SYT9: variants seen among roughly 807,000 people sequenced by gnomAD.
SYT9 encodes the protein synaptotagmin-9.
SYT9 carries 22 observed loss-of-function variants against 48.4 expected under a neutral mutation model. That is an observed-to-expected ratio of 0.45 (90% CI 0.32 to 0.65). The LOEUF (loss-of-function observed/expected upper bound fraction) is 0.65, where lower values mean the gene tolerates loss of function less well. Among genes scored for constraint, SYT9 ranks in the 30% least tolerant of loss-of-function variants. The pLI, the probability that SYT9 is intolerant of heterozygous loss-of-function variation, is 0.03. For missense variants in SYT9, 577 were observed against 622.0 expected, an observed-to-expected ratio of 0.93 and a Z score of 0.77; for synonymous variants, 265 against 245.0, an observed-to-expected ratio of 1.08 and a Z score of -0.76.
At chr11:7,355,693 G>A (rs1850008438) in intron 3 of SYT9, among the ~76,000 whole-genome samples, 1 of 152,220 alleles carries the variant, frequency 6.6e-6, no homozygotes, top group Non-Finnish European at 1.5e-5. Context: ...TTGGCAGTGG[G>A]ATTGATGGAA....
chr11:7,440,487 A>T (rs1847810970), intron 6 of SYT9: 1 of 152,226 alleles, frequency 6.6e-6, no homozygotes, highest in Non-Finnish European at 1.5e-5. Flanking sequence ...GTCTGATGGC[A>T]AGATACCTTC....
intron 3 of SYT9, among the ~76,000 whole-genome samples, chr11:7,401,338 A>G (rs1846889668): frequency 6.6e-6 from 1 of 150,744 alleles, no homozygotes; most frequent in Non-Finnish European, 1.5e-5. Context: ...ATCATATATA[A>G]TGCAAATATA....
At chr11:7,283,684 TTAGAG>T (rs1366891776) in intron 1 of SYT9, among the ~76,000 whole-genome samples, 4 of 152,178 alleles carry the variant, frequency 2.6e-5, no homozygotes, top group African/African-American at 9.7e-5. Context: ...CTTTTTAATA[TTAGAG>T]TACAGTGGTT....
In SYT9 at chr11:7,252,349, C is replaced by T. The variant is rs777772126; in HGVS notation, c.145+18C>T. On this transcript the variant is annotated intron_variant, in intron 1 of 6. Transcript: ENST00000318881. This position sits in a 1 kb window ranked among gnomAD's most constrained non-coding sequence, Gnocchi z 6.3. ...CGACCCAGGTGAGTGCCGCCACCGC[C>T]GCCTGGAGGGACCTAAGGGCCCTGG... 4 of 1,449,068 alleles carry T rather than the reference C, an allele frequency of 2.8e-6. No individual in the cohort carries two copies. Among genetic ancestry groups the T allele is most frequent in the Admixed American group, 2.7e-5 (1 of 36,652 alleles). The allele number at this position is 1,449,068 out of a possible 1,614,324, so 89.8% of individuals were successfully genotyped here.
upstream of SYT9, chr11:7,251,873 C>A (rs979314953): frequency 1.2e-5 from 3 of 260,304 alleles, no homozygotes; most frequent in African/African-American, 2.2e-5. Context: ...CCGGCGGCCG[C>A]GAGTAGCGGG....
At chr11:7,374,067 C>A (rs1310588143) in intron 3 of SYT9, among the ~76,000 whole-genome samples, 6 of 152,052 alleles carry the variant, frequency 3.9e-5, no homozygotes, top group Non-Finnish European at 7.4e-5. Flanking sequence ...TGCTATCCCT[C>A]CCCTTGCTCC....
intron 1 of SYT9, among the ~76,000 whole-genome samples, chr11:7,275,968 G>A (rs913956481): frequency 1.3e-5 from 2 of 151,962 alleles, no homozygotes; most frequent in Admixed American, 6.6e-5. Flanking sequence ...TATTGTTTGC[G>A]CCTCACCCCC....
intron 6 of SYT9, among the ~76,000 whole-genome samples, chr11:7,455,515 T>C (rs1414289122): frequency 6.6e-6 from 1 of 151,694 alleles, no homozygotes; most frequent in Non-Finnish European, 1.5e-5. Flanking sequence ...TGTATTTTTT[T>C]TTTTTGTAGA....
intron 3 of SYT9, among the ~76,000 whole-genome samples, chr11:7,372,804 T>C (rs1306953722): frequency 1.3e-5 from 2 of 152,176 alleles, no homozygotes; most frequent in African/African-American, 2.4e-5. Flanking sequence ...TTTGCTGTAA[T>C]TTTACCTTTT....
At chr11:7,393,778 C>T (rs888651831) in intron 3 of SYT9, among the ~76,000 whole-genome samples, 5 of 151,920 alleles carry the variant, frequency 3.3e-5, no homozygotes, top group Non-Finnish European at 7.4e-5. Flanking sequence ...GAGCTCATTA[C>T]TGATCTGTTC....
intron 3 of SYT9, among the ~76,000 whole-genome samples, chr11:7,347,718 T>C (rs1405493470): frequency 1.3e-5 from 2 of 152,130 alleles, no homozygotes; most frequent in African/African-American, 2.4e-5. Context: ...CAGCAGCTTT[T>C]TGAGGGAGTG....
intron 1 of SYT9, chr11:7,239,054 T>A (rs1847713920): frequency 2.5e-5 from 10 of 407,620 alleles, no homozygotes; most frequent in Middle Eastern, 7.6e-4. Context: ...TCTGGCTACC[T>A]GACACCCAAG....
At chr11:7,460,217 A>G (rs972993488) in intron 6 of SYT9, among the ~76,000 whole-genome samples, 1 of 152,240 alleles carries the variant, frequency 6.6e-6, no homozygotes, top group Admixed American at 6.5e-5. Context: ...TTTTGAAATA[A>G]AAACACTTTT....
Position 7,466,886 on chromosome 11 carries a change from C to T in SYT9, c.*86C>T. On this transcript the variant is annotated 3_prime_UTR_variant, in exon 7 of 7. Transcript: ENST00000318881. ...TTAAGTAACTTTTTCCATCCAGCAA[C>T]ATCCAGACGATTTCAGTGACCAAAT... 3 of 1,510,190 alleles carry T rather than the reference C, an allele frequency of 2.0e-6. No individual in the cohort carries two copies. Among genetic ancestry groups the T allele is most frequent in the Non-Finnish European group, 2.7e-6 (3 of 1,097,352 alleles). The allele number at this position is 1,510,190 out of a possible 1,614,324, so 93.5% of individuals were successfully genotyped here.
intron 6 of SYT9, among the ~76,000 whole-genome samples, chr11:7,421,952 A>G (rs11601238): frequency 0.24 from 36,267 of 152,168 alleles, 5,334 homozygotes; most frequent in Non-Finnish European, 0.32. Flanking sequence ...CATGCTCTCA[A>G]TAAGTAAAGA....
At chr11:7,426,574 T>C (rs542640790) in intron 6 of SYT9, among the ~76,000 whole-genome samples, 4 of 152,148 alleles carry the variant, frequency 2.6e-5, no homozygotes, top group Non-Finnish European at 5.9e-5. Context: ...GCCTATAAAG[T>C]TACATGGTCA....
chr11:7,399,285 G>A (rs773074719), intron 3 of SYT9, among the ~76,000 whole-genome samples: 36 of 152,110 alleles, frequency 2.4e-4, no homozygotes, highest in Admixed American at 1.0e-3. Flanking sequence ...TGAAAATGAT[G>A]AGCAGAAGTT....
intron 3 of SYT9, among the ~76,000 whole-genome samples, chr11:7,342,209 A>G (rs1356511135): frequency 1.3e-5 from 2 of 152,124 alleles, no homozygotes; most frequent in African/African-American, 2.4e-5. Flanking sequence ...TTCAAAACCA[A>G]TCATGCCTTC....
At chr11:7,364,127 A>C (rs1850197929) in intron 3 of SYT9, among the ~76,000 whole-genome samples, 1 of 152,180 alleles carries the variant, frequency 6.6e-6, no homozygotes, top group South Asian at 2.1e-4. Context: ...GTTTCTGAGA[A>C]AGCTTAGTGG....
Sources: gnomAD v4.1 joint callset for allele counts (sites outside exome capture counted in the v4.1 genomes callset) on GRCh38, gnomAD v4.1.1 for gene constraint, Gnocchi (gnomAD v3.1) non-coding constraint, MANE v1.5 for transcripts, NCBI Gene and HGNC (gene_info 2026-07-23, HGNC 2026-07-21) for gene names.